Variants in STIL observed in about 807,000 individuals in gnomAD.
The protein encoded by STIL is STIL centriolar assembly protein.
In STIL, 55 loss-of-function variants were observed where a neutral mutation model predicts 110.1. That is an observed-to-expected ratio of 0.50 (90% confidence interval 0.40 to 0.63). The LOEUF is 0.63. Among genes scored for constraint, STIL ranks in the 20% least tolerant of loss-of-function variants. The pLI, the probability that STIL is intolerant of heterozygous loss-of-function variation, is 0.00. For synonymous variants in STIL, 481 were observed against 530.0 expected (o/e 0.91, Z 1.27); for missense variants, 1,358 against 1,530.0 (o/e 0.89, Z 1.87).
rs1009146082 is a variant in STIL at position 47,307,862 on chromosome 1, G to GC, written c.44+2413dup. Reference sequence around the variant, plus strand: ...CACCTAGGGGTAGGTCTCTGAACTGGCCCCCCCGGGGCGTACCTGTCTCTT... The same window carrying GC: ...CACCTAGGGGTAGGTCTCTGAACTGGCCCCCCCCGGGGCGTACCTGTCTCTT... On this transcript the variant is annotated intron_variant, in intron 2 of 16. Transcript: ENST00000371877. 1.2e-4 allele frequency among the ~76,000 whole-genome samples: 18 copies of GC among 152,094 alleles called. 1 individual carries two copies. In the South Asian group the frequency reaches 1.2e-3, roughly 11 times the overall value.
In STIL at chr1:47,272,189, G is replaced by A. The variant is rs770627956; in HGVS notation, c.2270C>T (p.Thr757Ile). ...AGCTTGCACTGTGTCTTCAACAGCA[G>A]TTGTCTTAGGGGAACAGGGCATCAG... ...QSLMPCSPKT[T>I]AVEDTVQAGR... is the part of the protein sequence containing the mutation. Residue 757 changes from threonine (T) to isoleucine (I), a missense_variant, in exon 13 of 17, where the codon ACT becomes ATT. Thr to Ile is a moderately conservative substitution (Grantham distance 89). Transcript: ENST00000371877. 1.2e-6 allele frequency: 2 copies of A among 1,614,200 alleles called. No individual in the cohort carries two copies. The highest frequency in any genetic ancestry group is 3.3e-5 in the Admixed American group (2 of 60,020).
upstream of STIL, among the ~76,000 whole-genome samples, chr1:47,314,512 T>G (rs888546260): frequency 1.3e-5 from 2 of 152,198 alleles, no homozygotes; most frequent in Non-Finnish European, 2.9e-5. Flanking sequence ...AAGATGATCA[T>G]TGGTCGGCGA....
chr1:47,265,888 G>C (rs1241968386), intron 14 of STIL, among the ~76,000 whole-genome samples: 2 of 151,028 alleles, frequency 1.3e-5, no homozygotes, highest in Non-Finnish European at 2.9e-5. Flanking sequence ...CCAGGCTCCA[G>C]CAATCCTCCC....
At chr1:47,275,292 G>T (rs114959295) in intron 12 of STIL, among the ~76,000 whole-genome samples, 4 of 151,822 alleles carry the variant, frequency 2.6e-5, no homozygotes, top group African/African-American at 7.2e-5. Context: ...TAATCCTGAA[G>T]GGAGAGGGAG....
In STIL at chr1:47,302,251, G is replaced by A. The variant is rs1645826682; in HGVS notation, c.248C>T (p.Ser83Phe). 1 of 1,613,470 alleles carries A rather than the reference G, an allele frequency of 6.2e-7. No homozygotes were observed. The highest frequency in any genetic ancestry group is 8.5e-7 in the Non-Finnish European group (1 of 1,179,440). ...TGTATTACCTTCGTCTGCTGTCAGA[G>A]AACCAAGTAAAAAGCATGACGAATT... is the stretch of plus-strand genomic sequence containing the variant. Reference protein sequence around the residue: ...KKNSSCFLLGSLTADEDEEGV... With the variant: ...KKNSSCFLLGFLTADEDEEGV... The change falls in exon 4 of 17, where the codon TCT (serine) becomes TTT (phenylalanine). Residue 83 changes from serine (S) to phenylalanine (F), a missense_variant. Ser to Phe is a radical substitution (Grantham distance 155). Coordinates refer to ENST00000371877, the MANE Select transcript of STIL (RefSeq NM_001048166.1).
At position 47,280,348 on chromosome 1, in the gene STIL, T is replaced by C; in HGVS notation, c.2110A>G (p.Met704Val). Residue 704 changes from methionine to valine, a missense_variant, in exon 12 of 17, where the codon ATG becomes GTG. By Grantham distance (21) the Met-to-Val change is conservative (BLOSUM62 1). Transcript: ENST00000371877. Reference protein sequence around the residue: ...LCNPQPCTVCMHTPKTESDNG... With the variant: ...LCNPQPCTVCVHTPKTESDNG... The stretch of plus-strand genomic sequence containing the variant: ...TCTGACTCAGTCTTGGGTGTGTGCA[T>C]GCACACTGTGCAAGGCTGTGGGTTA... 7 of 1,614,226 alleles carry C rather than the reference T, an allele frequency of 4.3e-6. No individual in the cohort carries two copies. The highest frequency in any genetic ancestry group is 2.2e-5 in the East Asian group (1 of 44,888).
At chr1:47,269,394 CA>C (rs1188617382) in intron 14 of STIL, among the ~76,000 whole-genome samples, 3 of 151,954 alleles carry the variant, frequency 2.0e-5, no homozygotes, top group Non-Finnish European at 4.4e-5. Context: ...AACAGAACAG[CA>C]ACTGTAATGA....
At chr1:47,276,415 C>T (rs1191502487) in intron 12 of STIL, among the ~76,000 whole-genome samples, 1 of 150,508 alleles carries the variant, frequency 6.6e-6, no homozygotes, top group Non-Finnish European at 1.5e-5. Flanking sequence ...TATACATATA[C>T]ATATATATAT....
At chr1:47,295,350 C>T (rs1341928898) in intron 7 of STIL, among the ~76,000 whole-genome samples, 1 of 151,986 alleles carries the variant, frequency 6.6e-6, no homozygotes, top group African/African-American at 2.4e-5. Flanking sequence ...GAGGCTGAGG[C>T]GGGTAAATCA....
chr1:47,268,764 T>C (rs1157923493), intron 14 of STIL, among the ~76,000 whole-genome samples: 1 of 149,366 alleles, frequency 6.7e-6, no homozygotes, highest in Non-Finnish European at 1.5e-5. Context: ...ATCTCATAAA[T>C]AAATAAATAA....
Position 47,269,655 on chromosome 1 carries a change from G to A in STIL, c.2595C>T (p.Asn865=). The change falls in exon 14 of 17, where the codon AAC becomes AAT. Residue 865 remains asparagine, a synonymous_variant. Coordinates refer to ENST00000371877, the MANE Select transcript of STIL (RefSeq NM_001048166.1). The stretch of plus-strand genomic sequence containing the variant: ...CTTACTTGGATACAGAAAGTGGCTG[G>A]TTAAATTCTTCTTCCACAGCAATGT... The part of the protein sequence containing the change: ...ESNIAVEEEF[N]QPLSVSNSSS... 2 of 1,614,086 alleles carry A rather than the reference G, an allele frequency of 1.2e-6. No homozygotes were observed. Among genetic ancestry groups the A allele is most frequent in the Non-Finnish European group, 1.7e-6 (2 of 1,179,986 alleles).
At position 47,250,431 on chromosome 1, in the gene STIL, G is replaced by A. The variant is rs1480104289; in HGVS notation, c.*705C>T. ...TAACTTTTCCCTTAAACTTAGGAAG[G>A]GTTGATTTCGCTAATTTACCCAACA... On this transcript the variant is annotated 3_prime_UTR_variant, in exon 17 of 17. Transcript: ENST00000371877. 5.9e-6 allele frequency: 1 copy of A among 169,362 alleles called. No individual in the cohort carries two copies. The highest frequency in any genetic ancestry group is 1.3e-5 in the Non-Finnish European group (1 of 77,884). 10.5% of individuals were successfully genotyped at this position (169,362 alleles called of 1,614,324 possible).
intron 16 of STIL, among the ~76,000 whole-genome samples, chr1:47,254,940 G>T (rs886715457): frequency 6.6e-6 from 1 of 152,128 alleles, no homozygotes; most frequent in Non-Finnish European, 1.5e-5. Flanking sequence ...ACACAAGCTA[G>T]CCAATTTCAA....
chr1:47,301,504 C>T, intron 5 of STIL, 57 bp downstream of exon 5: 3 of 1,491,650 alleles, frequency 2.0e-6, no homozygotes, highest in Non-Finnish European at 2.8e-6. Flanking sequence ...ATACAGCATA[C>T]TAAACATAGT....
intron 12 of STIL, among the ~76,000 whole-genome samples, chr1:47,274,226 A>G (rs1344984808): frequency 1.3e-5 from 2 of 152,198 alleles, no homozygotes; most frequent in East Asian, 1.9e-4. Context: ...CATTACACAC[A>G]CTCAGGTCCT....
intron 16 of STIL, among the ~76,000 whole-genome samples, chr1:47,255,049 C>G (rs1400337961): frequency 3.3e-5 from 5 of 152,016 alleles, no homozygotes; most frequent in African/African-American, 1.2e-4. Flanking sequence ...CCTAGCTTCT[C>G]AGGAGCCTGA....
chr1:47,264,381 T>A (rs181951652), intron 14 of STIL, among the ~76,000 whole-genome samples: 321 of 152,180 alleles, frequency 2.1e-3, no homozygotes, highest in African/African-American at 7.4e-3. Flanking sequence ...AAGGAATAAA[T>A]AAAAATGTCA....
chr1:47,296,421 A>T lies in STIL; in HGVS notation c.702-573T>A, dbSNP rs147986578. On this transcript the variant is annotated intron_variant, in intron 6 of 16. Transcript: ENST00000371877. ...CATTATACTATATTTATATTTTATT[A>T]TATTTATTATTGACAGCAAGTTATA... Among the ~76,000 whole-genome samples the T allele has an allele frequency of 8.1e-3, 1,230 of 152,300 alleles. 26 individuals are homozygous for T. Among genetic ancestry groups the T allele is most frequent in the African/African-American group, 0.028 (1,149 of 41,574 alleles).
intron 12 of STIL, among the ~76,000 whole-genome samples, chr1:47,273,485 CATA>C (rs1644900386): frequency 6.6e-6 from 1 of 152,194 alleles, no homozygotes; most frequent in South Asian, 2.1e-4. Context: ...TTTCACTTGG[CATA>C]ATGTTTTGAA....
Sources: allele counts gnomAD v4.1 joint callset (sites outside exome capture counted in the v4.1 genomes callset), GRCh38; gene constraint gnomAD v4.1.1; transcripts MANE v1.5; gene names NCBI Gene and HGNC (gene_info 2026-07-23, HGNC 2026-07-21).